The following PLEKHA5 variants were observed in gnomAD, a reference collection of about 807,000 sequenced individuals.
PLEKHA5 encodes the protein pleckstrin homology domain-containing family A member 5.
In PLEKHA5, 55 loss-of-function variants were observed where a neutral mutation model predicts 181.9. The ratio of observed to expected loss-of-function variants is 0.30; its 90% CI spans 0.24 to 0.38. PLEKHA5 has a LOEUF of 0.38. Ranked by LOEUF, PLEKHA5 falls within the 10% of genes least tolerant of loss-of-function variation. PLEKHA5 has a pLI of 1.00. For missense variants in PLEKHA5, 1,432 were observed against 1,549.5 expected, an observed-to-expected ratio of 0.92 and a Z score of 1.27; for synonymous variants, 535 against 529.4, an observed-to-expected ratio of 1.01 and a Z score of -0.15.
At chr12:19,302,359 T>G (rs908882379) in intron 15 of PLEKHA5, among the ~76,000 whole-genome samples, 3 of 152,200 alleles carry the variant, frequency 2.0e-5, no homozygotes, top group Non-Finnish European at 4.4e-5. Flanking sequence ...CAAGACAGCT[T>G]GAGCAAAGGT....
chr12:19,256,509 G>A (rs922971336), intron 5 of PLEKHA5, among the ~76,000 whole-genome samples: 1 of 152,108 alleles, frequency 6.6e-6, no homozygotes. Context: ...TGATCTTTGT[G>A]TATCTTTTTG....
At position 19,233,017 on chromosome 12, in the gene PLEKHA5, A is replaced by C. The variant is rs182827126; in HGVS notation, c.228-20923A>C. On this transcript the variant is annotated intron_variant, in intron 3 of 31. Coordinates refer to ENST00000429027, the MANE Select transcript of PLEKHA5 (RefSeq NM_001256470.2). ...CTACCTCAGGTAATCATTAGGTGTG[A>C]GAGTTTAATTTCTGTAAGCTGATTT... 2.6e-5 allele frequency among the ~76,000 whole-genome samples: 4 copies of C among 152,302 alleles called. No individual in the cohort carries two copies. In the East Asian group the frequency reaches 7.7e-4, roughly 29 times the overall value.
At chr12:19,296,546 C>CAAA (rs34063103) in intron 15 of PLEKHA5, among the ~76,000 whole-genome samples, 2 of 139,876 alleles carry the variant, frequency 1.4e-5, no homozygotes, top group African/African-American at 5.2e-5. Context: ...GACTCTATCT[C>CAAA]AAAAAAAAAA....
chr12:19,353,787 T>C (rs542176764), intron 25 of PLEKHA5, 97 bp from the exon 26 acceptor site: 2 of 722,814 alleles, frequency 2.8e-6, no homozygotes, highest in East Asian at 5.1e-5. Context: ...TAAATTTGCT[T>C]TCTGATTTTA....
At chr12:19,207,938 G>T (rs372329684) in intron 3 of PLEKHA5, among the ~76,000 whole-genome samples, 12 of 152,104 alleles carry the variant, frequency 7.9e-5, no homozygotes, top group African/African-American at 2.9e-4. Context: ...TGGCATTTTT[G>T]AAAGCCACTA....
chr12:19,220,534 T>C (rs2058782648), intron 3 of PLEKHA5, among the ~76,000 whole-genome samples: 1 of 152,210 alleles, frequency 6.6e-6, no homozygotes, highest in African/African-American at 2.4e-5. Context: ...TTAGAATTTA[T>C]AGTTAGCATG....
At chr12:19,216,662 C>CAA (rs1171983389) in intron 3 of PLEKHA5, among the ~76,000 whole-genome samples, 11 of 96,394 alleles carry the variant, frequency 1.1e-4, no homozygotes, top group African/African-American at 3.1e-4. Flanking sequence ...GAATCCATCT[C>CAA]AAAAAAAAAA....
Position 19,130,103 on chromosome 12 carries a change from G to A in PLEKHA5, c.142G>A (p.Val48Ile). The change falls in exon 2 of 32, where the codon GTC (valine) becomes ATC (isoleucine). Residue 48 changes from valine to isoleucine, a missense_variant. Around this residue, in one of 2 missense-constraint regions of PLEKHA5, gnomAD observed 289 missense variants for 381.1 expected, o/e 0.76. Transcript: ENST00000429027. The surrounding 1 kb of genome is among the most constrained non-coding windows in gnomAD (Gnocchi z 4.5). ...GCACCCCGTCACCGGCGAGGCGGTGGTCACCGGACACCGGCGGCAGAGCAC... is the reference window on the plus strand; with the variant it reads ...GCACCCCGTCACCGGCGAGGCGGTGATCACCGGACACCGGCGGCAGAGCAC... ...WLHPVTGEAV[V>I]TGHRRQSTDL... 1 of 1,585,580 alleles carries A rather than the reference G, an allele frequency of 6.3e-7. No individual in the cohort carries two copies. The highest frequency in any genetic ancestry group is 1.8e-5 in the Admixed American group (1 of 56,998).
At chr12:19,218,859 A>G (rs554021551) in intron 3 of PLEKHA5, among the ~76,000 whole-genome samples, 1 of 149,186 alleles carries the variant, frequency 6.7e-6, no homozygotes, top group African/African-American at 2.5e-5. Context: ...TCTATATGTT[A>G]TTACATTTTT....
At chr12:19,144,708 C>T (rs978866841) in intron 3 of PLEKHA5, among the ~76,000 whole-genome samples, 1 of 152,098 alleles carries the variant, frequency 6.6e-6, no homozygotes, top group Non-Finnish European at 1.5e-5. Flanking sequence ...ACTTCTGGAT[C>T]AGTGGGAAAG....
At chr12:19,277,669 T>C (rs1315635667) in intron 11 of PLEKHA5, among the ~76,000 whole-genome samples, 1 of 152,218 alleles carries the variant, frequency 6.6e-6, no homozygotes, top group African/African-American at 2.4e-5. Context: ...AGTTGTAGTG[T>C]TTTATAATGA....
intron 22 of PLEKHA5, among the ~76,000 whole-genome samples, chr12:19,344,898 C>G (rs960278930): frequency 1.3e-5 from 2 of 148,984 alleles, no homozygotes; most frequent in East Asian, 4.0e-4. Context: ...CACTTGAGGT[C>G]AGGAGTTCAA....
At position 19,334,830 on chromosome 12, in the gene PLEKHA5, ATATATATATATATATATAT is replaced by A. The variant is rs1360354672; in HGVS notation, c.2449-1684_2449-1666del. Among the ~76,000 whole-genome samples, 3 of 36,992 alleles carry A rather than the reference ATATATATATATATATATAT, an allele frequency of 8.1e-5. 1 individual carries two copies. The highest frequency in any genetic ancestry group is 2.2e-4 in the African/African-American group (3 of 13,840). The allele number at this position is 36,992 out of a possible 152,430, so 24.3% of individuals were successfully genotyped here. On this transcript the variant is annotated intron_variant, in intron 20 of 31. Coordinates refer to ENST00000429027, the MANE Select transcript of PLEKHA5 (RefSeq NM_001256470.2). ...AATCCTGTCTTCACAAAAAAAAAAA[ATATATATATATATATATAT>A]ATATATATATATATATATATCTCTG...
intron 3 of PLEKHA5, among the ~76,000 whole-genome samples, chr12:19,197,147 G>A (rs2417771): frequency 0.9 from 136,698 of 152,048 alleles, 62,060 homozygotes; most frequent in Non-Finnish European, 0.97. Flanking sequence ...TCCTGGCAGC[G>A]TTCAGCATCG....
At chr12:19,156,346 A>G (rs2041719330) in intron 3 of PLEKHA5, among the ~76,000 whole-genome samples, 1 of 151,996 alleles carries the variant, frequency 6.6e-6, no homozygotes, top group African/African-American at 2.4e-5. Context: ...AACTGATTTT[A>G]TGGAGTATTT....
chr12:19,356,955 G>A (rs1282615548), intron 26 of PLEKHA5, among the ~76,000 whole-genome samples: 9 of 151,932 alleles, frequency 5.9e-5, no homozygotes, highest in East Asian at 1.9e-4. Flanking sequence ...CACCGCGCCC[G>A]GCCTAAGCAT....
intron 26 of PLEKHA5, among the ~76,000 whole-genome samples, chr12:19,356,009 C>G (rs11044512): frequency 0.03 from 4,595 of 151,626 alleles, 100 homozygotes; most frequent in South Asian, 0.04. Context: ...AACTAAAAAT[C>G]CAAAAATTAG....
At chr12:19,316,349 A>G (rs1193773385) in intron 16 of PLEKHA5, among the ~76,000 whole-genome samples, 2 of 151,886 alleles carry the variant, frequency 1.3e-5, no homozygotes, top group African/African-American at 4.8e-5. Flanking sequence ...CGGAAGTCTG[A>G]TAGTTTAAAT....
intron 15 of PLEKHA5, among the ~76,000 whole-genome samples, chr12:19,297,752 T>C (rs1291053034): frequency 9.5e-6 from 1 of 105,548 alleles, no homozygotes; most frequent in East Asian, 2.6e-4. Flanking sequence ...AGTAAATTAT[T>C]ATTTTTTTTT....
Sources: allele counts gnomAD v4.1 joint callset (sites outside exome capture counted in the v4.1 genomes callset), GRCh38; gene constraint gnomAD v4.1.1; regional missense constraint gnomAD v4.1.1; non-coding constraint Gnocchi (gnomAD v3.1); transcripts MANE v1.5; gene names NCBI Gene and HGNC (gene_info 2026-07-23, HGNC 2026-07-21).